The following CHCHD3 variants were observed in gnomAD, a reference collection of about 807,000 sequenced individuals.
The protein encoded by CHCHD3 is MICOS complex subunit MIC19.
In CHCHD3, 20 loss-of-function variants were observed where a neutral mutation model predicts 38.2. The ratio of observed to expected loss-of-function variants is 0.52; its 90% CI spans 0.37 to 0.76. The LOEUF is 0.76. Ranked by LOEUF, CHCHD3 falls within the 30% of genes least tolerant of loss-of-function variation. CHCHD3 has a pLI of 0.00. For synonymous variants in CHCHD3, 82 were observed against 100.0 expected (o/e 0.82, Z 1.07); for missense variants, 245 against 279.2 (o/e 0.88, Z 0.87).
rs113542681 is a variant in CHCHD3, at chr7:132,785,695, C to A, written c.661-35G>T. 6.2e-7 allele frequency: 1 copy of A among 1,608,242 alleles called. No homozygotes were observed. Among genetic ancestry groups the A allele is most frequent in the South Asian group, 1.1e-5 (1 of 90,638 alleles). ...AAACAGAAAGAGTAAGTTTTACCAC[C>A]GGGAGAGGACAAAAAATAAATGGCA... On this transcript the variant is annotated intron_variant, in intron 7 of 7. Coordinates refer to ENST00000262570, the MANE Select transcript of CHCHD3 (RefSeq NM_017812.4).
intron 6 of CHCHD3, among the ~76,000 whole-genome samples, chr7:132,822,955 G>A (rs1434789792): frequency 1.3e-5 from 2 of 152,232 alleles, no homozygotes; most frequent in African/African-American, 4.8e-5. Flanking sequence ...GGATTTAAAA[G>A]AAGGCGTTGA....
At chr7:133,031,551 T>G (rs984763155) in intron 2 of CHCHD3, among the ~76,000 whole-genome samples, 3 of 152,260 alleles carry the variant, frequency 2.0e-5, no homozygotes, top group South Asian at 4.2e-4. Flanking sequence ...ATTACAGTAT[T>G]TCTTAAACAA....
rs117742070 is a variant in CHCHD3, at chr7:132,839,262, C to T, written c.454-793G>A. ...CATTTCCACGTGACCACAAGAACAA[C>T]AACATTTATAACTAATCAGTAGGAA... On this transcript the variant is annotated intron_variant, in intron 5 of 7. Transcript: ENST00000262570. Among the ~76,000 whole-genome samples the T allele has an allele frequency of 6.7e-4, 101 of 151,580 alleles. 2 individuals are homozygous for T. In the East Asian group the frequency reaches 0.011, roughly 16 times the overall value.
chr7:133,009,762 G>A (rs999779442), intron 3 of CHCHD3, among the ~76,000 whole-genome samples: 1 of 152,086 alleles, frequency 6.6e-6, no homozygotes, highest in South Asian at 2.1e-4. Context: ...CACAACATAC[G>A]CTCTGGTTCA....
chr7:132,790,898 T>G (rs1196629929), intron 7 of CHCHD3, among the ~76,000 whole-genome samples: 4 of 152,280 alleles, frequency 2.6e-5, no homozygotes, highest in Middle Eastern at 6.8e-3. Context: ...GAAGGGGATC[T>G]CTTTTCAAGG....
intron 4 of CHCHD3, among the ~76,000 whole-genome samples, chr7:132,957,076 C>T (rs1210849849): frequency 2.6e-5 from 4 of 152,176 alleles, no homozygotes; most frequent in Non-Finnish European, 5.9e-5. Flanking sequence ...GTTCTCTGTT[C>T]AGCAATCCTG....
chr7:132,804,683 G>C (rs1411804745), intron 6 of CHCHD3, among the ~76,000 whole-genome samples: 2 of 152,210 alleles, frequency 1.3e-5, no homozygotes, highest in Admixed American at 6.5e-5. Context: ...TTTGTGGTGA[G>C]AGAGCGTGTT....
intron 5 of CHCHD3, among the ~76,000 whole-genome samples, chr7:132,873,411 TA>T (rs1233551108): frequency 2.2e-5 from 2 of 90,888 alleles, no homozygotes; most frequent in Admixed American, 1.9e-4. Context: ...CAATTCATGG[TA>T]AATTTTTTTT....
chr7:133,081,741 G>A (rs1307478117), intron 1 of CHCHD3, 116 bp downstream of exon 1: 1 of 974,092 alleles, frequency 1.0e-6, no homozygotes, highest in Non-Finnish European at 1.6e-6. Context: ...TGGGCTTCTG[G>A]CCTTAATACG....
At chr7:132,964,410 G>A (rs554977071) in intron 4 of CHCHD3, among the ~76,000 whole-genome samples, 5 of 152,142 alleles carry the variant, frequency 3.3e-5, no homozygotes, top group Admixed American at 6.5e-5. Context: ...GTGAAACCCC[G>A]TCTCTACTAA....
intron 2 of CHCHD3, among the ~76,000 whole-genome samples, chr7:133,063,937 C>T (rs1220521573): frequency 6.6e-6 from 1 of 152,186 alleles, no homozygotes; most frequent in Non-Finnish European, 1.5e-5. Flanking sequence ...CCTCCCATCC[C>T]TCTTAGCCTC....
At chr7:132,983,989 C>T (rs1407179004) in intron 3 of CHCHD3, among the ~76,000 whole-genome samples, 1 of 151,400 alleles carries the variant, frequency 6.6e-6, no homozygotes, top group South Asian at 2.1e-4. Context: ...TCCCTCCTCT[C>T]CCTCTCCCCA....
chr7:132,939,006 T>C (rs1348953487), intron 4 of CHCHD3, among the ~76,000 whole-genome samples: 1 of 152,128 alleles, frequency 6.6e-6, no homozygotes, highest in Non-Finnish European at 1.5e-5. Flanking sequence ...AATAACCGAA[T>C]GTACTGGCCC....
At chr7:132,920,496 G>A (rs991863292) in intron 4 of CHCHD3, among the ~76,000 whole-genome samples, 1 of 152,142 alleles carries the variant, frequency 6.6e-6, no homozygotes, top group Non-Finnish European at 1.5e-5. Context: ...AGAAACAGAT[G>A]ATTTAAATAC....
intron 5 of CHCHD3, chr7:132,847,131 T>C (rs936166139): frequency 4.6e-5 from 7 of 152,232 alleles, no homozygotes; most frequent in African/African-American, 1.4e-4. Context: ...GCAGTTATTA[T>C]GCCCATGTCC....
chr7:133,044,635 T>TAA (rs772748078), intron 2 of CHCHD3, among the ~76,000 whole-genome samples: 6 of 152,264 alleles, frequency 3.9e-5, no homozygotes, highest in Non-Finnish European at 7.3e-5. Flanking sequence ...AAAAGACTGT[T>TAA]ACAAAAATTC....
intron 5 of CHCHD3, among the ~76,000 whole-genome samples, chr7:132,855,798 C>A (rs1055749009): frequency 6.6e-6 from 1 of 151,370 alleles, no homozygotes; most frequent in Admixed American, 6.6e-5. Flanking sequence ...AAAGTTTTAC[C>A]CCTCAACTGC....
chr7:132,922,669 A>C (rs1026618285), intron 4 of CHCHD3, among the ~76,000 whole-genome samples: 2 of 152,168 alleles, frequency 1.3e-5, no homozygotes, highest in African/African-American at 4.8e-5. Context: ...TTGGGCAAGA[A>C]ACTATTCTGA....
At chr7:132,897,657 A>G (rs944069767) in intron 4 of CHCHD3, among the ~76,000 whole-genome samples, 2 of 150,254 alleles carry the variant, frequency 1.3e-5, no homozygotes. Flanking sequence ...AAGAAAATGT[A>G]AAAAATTACT....
Sources: allele counts gnomAD v4.1 joint callset (sites outside exome capture counted in the v4.1 genomes callset), GRCh38; gene constraint gnomAD v4.1.1; transcripts MANE v1.5; gene names NCBI Gene and HGNC (gene_info 2026-07-23, HGNC 2026-07-21).